The following GTF3C1 variants were observed in gnomAD, a reference collection of about 807,000 sequenced individuals.
GTF3C1 encodes general transcription factor IIIC subunit 1.
Under a neutral mutation model 226.7 loss-of-function variants are expected in GTF3C1, and 57 were observed. The observed-to-expected ratio is 0.25, with a 90% CI of 0.20 to 0.31. The LOEUF is 0.31. Among genes scored for constraint, GTF3C1 ranks in the 10% least tolerant of loss-of-function variants. The probability of loss-of-function intolerance (pLI) is 1.00; values close to 1 mark genes in which losing one functional copy is unlikely to be tolerated. For synonymous variants in GTF3C1, 1,090 were observed against 1,084.8 expected (o/e 1.00, Z -0.09); for missense variants, 2,217 against 2,776.1 (o/e 0.80, Z 4.53).
At position 27,462,401 on chromosome 16, in the gene GTF3C1, C is replaced by T; in HGVS notation, c.6010G>A (p.Glu2004Lys). ...LNLPVCKGMM[E>K]AMLYHIMTRP... ...GTCATGATGTGGTACAGCATGGCCT[C>T]CATCATACCCTTGCATACAGGAAGG... Residue 2004 changes from glutamate to lysine, a missense_variant, in exon 36 of 37, where the codon GAG becomes AAG. By Grantham distance (56) the Glu-to-Lys change is moderately conservative (BLOSUM62 1). Coordinates refer to ENST00000356183, the MANE Select transcript of GTF3C1 (RefSeq NM_001520.4). This position sits in a 1 kb window ranked among gnomAD's most constrained non-coding sequence, Gnocchi z 4.5. 1 of 1,610,862 alleles carries T rather than the reference C, an allele frequency of 6.2e-7. No homozygotes were observed. The highest frequency in any genetic ancestry group is 8.5e-7 in the Non-Finnish European group (1 of 1,178,374).
Position 27,464,790 on chromosome 16 carries a change from G to T in GTF3C1, c.5402C>A (p.Ala1801Glu). 1.3e-6 allele frequency: 2 copies of T among 1,540,618 alleles called. No homozygotes were observed. Among genetic ancestry groups the T allele is most frequent in the Non-Finnish European group, 8.6e-7 (1 of 1,156,340 alleles). ...GGCAGAGCCCATGGCTACCAGGCGC[G>T]CAGTGTTGCCACCGACCTCCAGCAC... is the stretch of plus-strand genomic sequence containing the variant. ...HQVLEVGGNT[A>E]RLVAMGSAWP... The change falls in exon 34 of 37, where the codon GCG becomes GAG. Residue 1801 changes from alanine (A) to glutamate (E), a missense_variant. By Grantham distance (107) the Ala-to-Glu change is moderately radical (BLOSUM62 -1). Coordinates refer to ENST00000356183, the MANE Select transcript of GTF3C1 (RefSeq NM_001520.4).
chr16:27,512,148 T>C (rs986529577), intron 6 of GTF3C1, among the ~76,000 whole-genome samples: 5 of 152,136 alleles, frequency 3.3e-5, no homozygotes, highest in East Asian at 1.9e-4. Context: ...ATGGAAGGAA[T>C]AACGAGGTGC....
chr16:27,511,739 CAAGA>C lies in GTF3C1; in HGVS notation c.1126+6_1126+9del, dbSNP rs2088573712. ...ATCCATATCCAAGCTGGCATGGGAA[CAAGA>C]CTTACTGAGGTCGTAGGTCTGTGTG... On this transcript the variant is annotated splice_donor_region_variant and intron_variant, in intron 7 of 36. Coordinates refer to ENST00000356183, the MANE Select transcript of GTF3C1 (RefSeq NM_001520.4). 1 of 1,613,574 alleles carries C rather than the reference CAAGA, an allele frequency of 6.2e-7. No homozygotes were observed. Among genetic ancestry groups the C allele is most frequent in the Admixed American group, 1.7e-5 (1 of 59,948 alleles).
At chr16:27,489,413 C>T (rs1186728809) in intron 20 of GTF3C1, among the ~76,000 whole-genome samples, 189 bp downstream of exon 20, 1 of 152,234 alleles carries the variant, frequency 6.6e-6, no homozygotes, top group African/African-American at 2.4e-5. Context: ...ATTTTGACAA[C>T]CGATTACATT....
chr16:27,539,521 C>A lies in GTF3C1; in HGVS notation c.432-1165G>T, dbSNP rs1032243997. ...AATTGACCTGCTCCATTCACCCACT[C>A]TCAGAGTCCAAGCCCTGGCCCTGCA... is the stretch of plus-strand genomic sequence containing the variant. On this transcript the variant is annotated intron_variant, in intron 2 of 36. Coordinates refer to ENST00000356183, the MANE Select transcript of GTF3C1 (RefSeq NM_001520.4). Among the ~76,000 whole-genome samples the A allele has an allele frequency of 7.2e-5, 11 of 152,230 alleles. 1 individual carries two copies. The highest frequency in any genetic ancestry group is 6.5e-4 in the Admixed American group (10 of 15,282).
chr16:27,486,025 C>A lies in GTF3C1; in HGVS notation c.3830G>T (p.Arg1277Leu), dbSNP rs753839045. 3.1e-6 allele frequency: 5 copies of A among 1,610,316 alleles called. No individual in the cohort carries two copies. Among genetic ancestry groups the A allele is most frequent in the Non-Finnish European group, 4.2e-6 (5 of 1,177,744 alleles). The stretch of plus-strand genomic sequence containing the variant: ...GGTGTTGAGGACATTGCTGGCAATG[C>A]GGCACAGCACAAGCAGCCCATCCTC... ...MQEDGLLVLC[R>L]IASNVLNTKV... Residue 1277 changes from arginine (R) to leucine (L), a missense_variant, in exon 24 of 37, where the codon CGC becomes CTC. By Grantham distance (102) the Arg-to-Leu change is moderately radical. Coordinates refer to ENST00000356183, the MANE Select transcript of GTF3C1 (RefSeq NM_001520.4).
At position 27,469,353 on chromosome 16, in the gene GTF3C1, T is replaced by G. The variant is rs1396523926; in HGVS notation, c.5012A>C (p.Asn1671Thr). The G allele has an allele frequency of 6.2e-7, 1 of 1,604,160 alleles. No individual in the cohort carries two copies. The highest frequency in any genetic ancestry group is 1.1e-5 in the South Asian group (1 of 89,462). Residue 1671 changes from asparagine to threonine, a missense_variant, in exon 32 of 37, where the codon AAC (asparagine) becomes ACC (threonine). Asn to Thr is a moderately conservative substitution (Grantham distance 65). Around this residue, in one of 12 missense-constraint regions of GTF3C1, gnomAD observed 455 missense variants for 441.9 expected, o/e 1.03. Coordinates refer to ENST00000356183, the MANE Select transcript of GTF3C1 (RefSeq NM_001520.4). The surrounding 1 kb of genome is among the most constrained non-coding windows in gnomAD (Gnocchi z 4.5). ...GAGCTGGAACTTCATCTGGCAGGAG[T>G]TGACCACAATGCTGTCGTTGGGGTT... ...NLNPNDSIVV[N>T]SCQMKFQLRC...
At chr16:27,549,323 G>C (rs2089232754) in intron 1 of GTF3C1, among the ~76,000 whole-genome samples, 1 of 152,104 alleles carries the variant, frequency 6.6e-6, no homozygotes, top group Non-Finnish European at 1.5e-5. Flanking sequence ...TCTCCAGTCT[G>C]GCTCTAAAGT....
chr16:27,511,600 CT>C, intron 7 of GTF3C1, 148 bp downstream of exon 7: 1 of 729,918 alleles, frequency 1.4e-6, no homozygotes, highest in East Asian at 2.8e-5. Flanking sequence ...CCAATCTGAC[CT>C]TGAAGCCTAA....
Position 27,470,459 on chromosome 16 carries a change from G to T in GTF3C1, c.4527-64C>A. 1 of 1,311,288 alleles carries T rather than the reference G, an allele frequency of 7.6e-7. No individual in the cohort carries two copies. The highest frequency in any genetic ancestry group is 1.1e-6 in the Non-Finnish European group (1 of 922,674). The allele number at this position is 1,311,288 out of a possible 1,614,324, so 81.2% of individuals were successfully genotyped here. On this transcript the variant is annotated intron_variant, in intron 30 of 36. Transcript: ENST00000356183. The surrounding 1 kb of genome is among the most constrained non-coding windows in gnomAD (Gnocchi z 4.9). ...AGCTGTGGGAAGCCTTCATTTGGATGGACTATGAGCACGTCAAACCATTAT... is the reference window on the plus strand; with the variant it reads ...AGCTGTGGGAAGCCTTCATTTGGATTGACTATGAGCACGTCAAACCATTAT...
At chr16:27,474,614 C>T (rs905065121) in intron 29 of GTF3C1, among the ~76,000 whole-genome samples, 7 of 152,136 alleles carry the variant, frequency 4.6e-5, no homozygotes, top group Admixed American at 1.3e-4. Flanking sequence ...TTTAAACAAG[C>T]GTGAGACCAA....
intron 2 of GTF3C1, among the ~76,000 whole-genome samples, chr16:27,538,651 C>A (rs2089036679): frequency 6.6e-6 from 1 of 152,350 alleles, no homozygotes; most frequent in African/African-American, 2.4e-5. Context: ...CCTCATCCCA[C>A]TCCTCCTGGA....
At chr16:27,494,435 C>A (rs191485242) in intron 16 of GTF3C1, among the ~76,000 whole-genome samples, 1,573 of 150,204 alleles carry the variant, frequency 0.01, 37 homozygotes, top group African/African-American at 0.035. Flanking sequence ...ACAAAAAAAA[C>A]CACGTTTTAT....
Position 27,497,638 on chromosome 16 carries a change from T to C in GTF3C1, c.2349A>G (p.Val783=). The C allele has an allele frequency of 6.2e-7, 1 of 1,608,834 alleles. No homozygotes were observed. Among genetic ancestry groups the C allele is most frequent in the Non-Finnish European group, 8.5e-7 (1 of 1,176,298 alleles). ...ITPLRNYHPI[V]VPGLGRSLGF... Reference sequence around the variant, plus strand: ...CACAGACAAGAAGCTGCAGCTTACCTACAATGGGGTGATAATTTCTAAGCG... The same window carrying C: ...CACAGACAAGAAGCTGCAGCTTACCCACAATGGGGTGATAATTTCTAAGCG... The change falls in exon 14 of 37, where the codon GTA becomes GTG. Residue 783 remains valine (V), a splice_region_variant and synonymous_variant. Transcript: ENST00000356183.
Position 27,476,461 on chromosome 16 carries a change from T to C in GTF3C1, c.4343A>G (p.Gln1448Arg), listed in dbSNP as rs974553935. The C allele has an allele frequency of 8.7e-6, 14 of 1,607,318 alleles. No homozygotes were observed. The highest frequency in any genetic ancestry group is 1.1e-5 in the Non-Finnish European group (13 of 1,173,888). Reference protein sequence around the residue: ...ALSDSQMKSYQSFQTFRLYRE... With the variant: ...ALSDSQMKSYRSFQTFRLYRE... ...GCAGCCGACACCCACCTGGAATGAC[T>C]GGTAGGACTTCATCTGACTGTCTGA... The change falls in exon 29 of 37, where the codon CAG (glutamine) becomes CGG (arginine). Residue 1448 changes from glutamine (Q) to arginine (R), a missense_variant. Around this residue, in one of 12 missense-constraint regions of GTF3C1, gnomAD observed 546 missense variants for 663.0 expected, o/e 0.82. Transcript: ENST00000356183.
In GTF3C1 at chr16:27,508,650, G is replaced by C. The variant is rs771961160; in HGVS notation, c.1132C>G (p.Arg378Gly). ...TGGGAAATTCCTTTCGTGCCTCTGC[G>C]CTCAACTGTGAGAAACAATACACGT... is the stretch of plus-strand genomic sequence containing the variant. ...MLTQTYDLIE[R>G]RGTKGISQAE... The change falls in exon 8 of 37, where the codon CGC becomes GGC. Residue 378 changes from arginine (R) to glycine (G), a missense_variant. Coordinates refer to ENST00000356183, the MANE Select transcript of GTF3C1 (RefSeq NM_001520.4). 13 of 1,612,828 alleles carry C rather than the reference G, an allele frequency of 8.1e-6. No homozygotes were observed. The East Asian group carries it at 1.8e-4, about 22-fold the overall frequency.
At chr16:27,525,738 T>C (rs886738571) in intron 6 of GTF3C1, among the ~76,000 whole-genome samples, 4 of 152,200 alleles carry the variant, frequency 2.6e-5, no homozygotes, top group African/African-American at 9.7e-5. Flanking sequence ...GGAGTGTGAA[T>C]GAAGTCGGTC....
Position 27,507,112 on chromosome 16 carries a change from A to G in GTF3C1, c.1287T>C (p.Ile429=). The G allele has an allele frequency of 1.9e-6, 3 of 1,613,050 alleles. No homozygotes were observed. The highest frequency in any genetic ancestry group is 1.1e-5 in the South Asian group (1 of 91,052). The part of the protein sequence containing the change: ...DEGRQRTTKY[I]SCVFAEESDL... ...CGCTCTCCTCTGCAAACACGCAGGA[A>G]ATGTACTTGGTGGTTCGCTGCCGAC... Residue 429 remains isoleucine (I), a synonymous_variant, in exon 9 of 37, where the codon ATT becomes ATC. Transcript: ENST00000356183. The surrounding 1 kb of genome is among the most constrained non-coding windows in gnomAD (Gnocchi z 4.9).
In GTF3C1 at chr16:27,545,475, G is replaced by C; in HGVS notation, c.270C>G (p.Asp90Glu). ...GGTAGACATCCTCCAAAGCCACCGG[G>C]TCCCTCCTAGACTCCAAAATTCCAG... ...LETGILESRR[D>E]PVALEDVYPI... The change falls in exon 2 of 37, where the codon GAC (aspartate) becomes GAG (glutamate). Residue 90 changes from aspartate (D) to glutamate (E), a missense_variant. Transcript: ENST00000356183. 6.2e-7 allele frequency: 1 copy of C among 1,612,270 alleles called. No individual in the cohort carries two copies. Among genetic ancestry groups the C allele is most frequent in the Non-Finnish European group, 8.5e-7 (1 of 1,178,446 alleles).
Sources: allele counts gnomAD v4.1 joint callset (sites outside exome capture counted in the v4.1 genomes callset), GRCh38; gene constraint gnomAD v4.1.1; regional missense constraint gnomAD v4.1.1; non-coding constraint Gnocchi (gnomAD v3.1); transcripts MANE v1.5; gene names NCBI Gene and HGNC (gene_info 2026-07-23, HGNC 2026-07-21).